Variants in PTPRK observed in about 807,000 individuals in gnomAD.
PTPRK encodes protein tyrosine phosphatase receptor type K, also known as receptor-type tyrosine-protein phosphatase kappa.
PTPRK carries 75 observed loss-of-function variants against 178.0 expected under a neutral mutation model. That is an observed-to-expected ratio of 0.42 (90% CI 0.35 to 0.51). PTPRK has a LOEUF of 0.51. Among genes scored for constraint, PTPRK ranks in the 20% least tolerant of loss-of-function variants. The pLI, the probability that PTPRK is intolerant of heterozygous loss-of-function variation, is 0.02. For synonymous variants in PTPRK, 637 were observed against 620.6 expected, an observed-to-expected ratio of 1.03 and a Z score of -0.39; for missense variants, 1,441 against 1,797.8, an observed-to-expected ratio of 0.80 and a Z score of 3.59.
chr6:128,514,199 A>C (rs1013451876), intron 1 of PTPRK, among the ~76,000 whole-genome samples: 12 of 152,360 alleles, frequency 7.9e-5, no homozygotes, highest in South Asian at 4.1e-4. Context: ...TACAGTATAG[A>C]TTATATACAG....
chr6:128,038,841 T>A (rs1053088122), intron 13 of PTPRK, among the ~76,000 whole-genome samples: 1 of 152,074 alleles, frequency 6.6e-6, no homozygotes, highest in Non-Finnish European at 1.5e-5. Context: ...TGTCTCTTCA[T>A]TCTTCATGCA....
intron 1 of PTPRK, among the ~76,000 whole-genome samples, chr6:128,487,273 C>A (rs1057464560): frequency 2.0e-5 from 3 of 150,340 alleles, no homozygotes; most frequent in Non-Finnish European, 3.0e-5. Flanking sequence ...GAAGGCAGGA[C>A]ACCTTGACCG....
At chr6:127,987,413 T>C (rs546939192) in intron 21 of PTPRK, among the ~76,000 whole-genome samples, 1 of 152,230 alleles carries the variant, frequency 6.6e-6, no homozygotes, top group South Asian at 2.1e-4. Context: ...AAGTACACTT[T>C]TGTGTTTTTA....
intron 19 of PTPRK, among the ~76,000 whole-genome samples, chr6:127,992,153 G>T (rs547469196): frequency 6.6e-6 from 1 of 151,810 alleles, no homozygotes; most frequent in African/African-American, 2.4e-5. Context: ...ACTCCCCAGT[G>T]TACCACTATA....
intron 2 of PTPRK, among the ~76,000 whole-genome samples, chr6:128,351,348 A>T (rs1266061590): frequency 6.6e-6 from 1 of 152,210 alleles, no homozygotes; most frequent in Admixed American, 6.5e-5. Flanking sequence ...TAAACAGGAC[A>T]TGTTCAGACA....
intron 6 of PTPRK, among the ~76,000 whole-genome samples, chr6:128,193,283 A>G (rs1055165164): frequency 7.7e-6 from 1 of 130,474 alleles, no homozygotes; most frequent in African/African-American, 3.3e-5. Flanking sequence ...AGCTTGTGAA[A>G]AAAAAAAAAA....
intron 3 of PTPRK, among the ~76,000 whole-genome samples, chr6:128,253,503 A>T (rs1816809152): frequency 6.6e-6 from 1 of 152,272 alleles, no homozygotes; most frequent in Non-Finnish European, 1.5e-5. Context: ...ATAAAAGATG[A>T]CTGGTGAAGG....
intron 1 of PTPRK, chr6:128,472,586 C>T (rs367556803): frequency 5.4e-6 from 1 of 184,466 alleles, no homozygotes; most frequent in Non-Finnish European, 1.1e-5. Flanking sequence ...TATTTCCCAT[C>T]TTTACATCTA....
chr6:128,061,562 A>G (rs763597327), intron 13 of PTPRK, among the ~76,000 whole-genome samples: 1 of 139,154 alleles, frequency 7.2e-6, no homozygotes, highest in Non-Finnish European at 1.5e-5. Context: ...GTTGGGAGGC[A>G]GGGGAGGGTC....
At chr6:128,039,726 G>A (rs1480938781) in intron 13 of PTPRK, among the ~76,000 whole-genome samples, 2 of 152,174 alleles carry the variant, frequency 1.3e-5, no homozygotes, top group Non-Finnish European at 2.9e-5. Context: ...ATTTAACACA[G>A]ATGTGGCCAA....
chr6:128,147,900 CCT>C (rs554518105), intron 7 of PTPRK, among the ~76,000 whole-genome samples: 163 of 152,200 alleles, frequency 1.1e-3, no homozygotes, highest in Middle Eastern at 3.4e-3. Context: ...TATTTTCTCC[CCT>C]GTTTCAGTAA....
chr6:128,325,961 C>A (rs1246274735), intron 2 of PTPRK, among the ~76,000 whole-genome samples: 1 of 152,148 alleles, frequency 6.6e-6, no homozygotes, highest in Admixed American at 6.6e-5. Context: ...AAATGTGGCA[C>A]ATAAACACCA....
chr6:128,281,728 T>C (rs545013284), intron 3 of PTPRK, among the ~76,000 whole-genome samples: 1 of 152,030 alleles, frequency 6.6e-6, no homozygotes, highest in South Asian at 2.1e-4. Context: ...GCACTTACCA[T>C]CCCACCAATT....
intron 3 of PTPRK, among the ~76,000 whole-genome samples, chr6:128,296,036 T>C (rs893283393): frequency 6.6e-6 from 1 of 152,072 alleles, no homozygotes; most frequent in Non-Finnish European, 1.5e-5. Flanking sequence ...TTCCAATGAC[T>C]CTCCATGGCC....
intron 6 of PTPRK, among the ~76,000 whole-genome samples, chr6:128,201,933 T>C (rs113233016): frequency 1.3e-5 from 2 of 152,242 alleles, no homozygotes; most frequent in African/African-American, 4.8e-5. Flanking sequence ...TTCATATTTA[T>C]GTAAAACTTG....
At chr6:127,979,768 C>T (rs1281611938) in intron 25 of PTPRK, among the ~76,000 whole-genome samples, 1 of 152,122 alleles carries the variant, frequency 6.6e-6, no homozygotes, top group African/African-American at 2.4e-5. Context: ...AGAAATGAAC[C>T]GTGGCTTCTA....
At chr6:128,023,288 A>T (rs1025839150) in intron 13 of PTPRK, among the ~76,000 whole-genome samples, 3 of 152,224 alleles carry the variant, frequency 2.0e-5, no homozygotes, top group African/African-American at 7.2e-5. Context: ...AGCTGAAGTT[A>T]CAAGAATCAG....
At chr6:128,462,848 G>C (rs1369568812) in intron 1 of PTPRK, among the ~76,000 whole-genome samples, 1 of 151,790 alleles carries the variant, frequency 6.6e-6, no homozygotes, top group Non-Finnish European at 1.5e-5. Context: ...GTAGAGACAG[G>C]GTTTCACCAT....
intron 7 of PTPRK, among the ~76,000 whole-genome samples, chr6:128,164,632 C>T (rs769930085): frequency 6.0e-5 from 9 of 151,088 alleles, no homozygotes. Flanking sequence ...TTAATTTCTC[C>T]TTTTCAATCT....
Sources: gnomAD v4.1 joint callset for allele counts (sites outside exome capture counted in the v4.1 genomes callset) on GRCh38, gnomAD v4.1.1 for gene constraint, MANE v1.5 for transcripts, NCBI Gene and HGNC (gene_info 2026-07-23, HGNC 2026-07-21) for gene names.